The following CFAP210 variants were observed in gnomAD, a reference collection of about 807,000 sequenced individuals.
The protein encoded by CFAP210 is cilia and flagella associated protein 210.
chr2:169,648,446 TTTATG>T, the CFAP210 span, among the ~76,000 whole-genome samples: 68,119 of 151,328 alleles, frequency 0.45, 16,087 homozygotes, highest in African/African-American at 0.58. Flanking sequence ...AATGGTACTT[TTTATG>T]TTATGTATAT....
chr2:169,672,011 T>G, the CFAP210 span, among the ~76,000 whole-genome samples: 1 of 152,238 alleles, frequency 6.6e-6, no homozygotes, highest in East Asian at 1.9e-4. Context: ...CAACTCAGGT[T>G]AATACCAGTG....
chr2:169,663,567 G>T, the CFAP210 span, among the ~76,000 whole-genome samples: 259 of 152,080 alleles, frequency 1.7e-3, no homozygotes, highest in African/African-American at 5.9e-3. Flanking sequence ...CTCAGGTTCA[G>T]GGAAGGGAAA....
At chr2:169,649,090 C>A in the CFAP210 span, 7 of 1,108,342 alleles carry the variant, frequency 6.3e-6, no homozygotes, top group Non-Finnish European at 8.8e-6. Flanking sequence ...TTTTTTCTTA[C>A]CTGATGAAAC....
the CFAP210 span, among the ~76,000 whole-genome samples, chr2:169,663,966 A>G: frequency 6.6e-6 from 1 of 151,222 alleles, no homozygotes; most frequent in Non-Finnish European, 1.5e-5. Flanking sequence ...AGGCGGGCGG[A>G]TCACCTGAGG....
chr2:169,686,219 T>G, the CFAP210 span, among the ~76,000 whole-genome samples: 6 of 152,254 alleles, frequency 3.9e-5, no homozygotes, highest in Non-Finnish European at 5.9e-5. Context: ...CTTAATATCA[T>G]GAAGCGTGAG....
chr2:169,682,823 A>C, the CFAP210 span, among the ~76,000 whole-genome samples: 3 of 152,190 alleles, frequency 2.0e-5, no homozygotes, highest in Non-Finnish European at 4.4e-5. Flanking sequence ...TAACTATATG[A>C]ATCTAGATAA....
chr2:169,686,688 C>T, the CFAP210 span, among the ~76,000 whole-genome samples: 1 of 152,262 alleles, frequency 6.6e-6, no homozygotes, highest in South Asian at 2.1e-4. Context: ...CACAGCAAGA[C>T]CCCATTTCTA....
the CFAP210 span, among the ~76,000 whole-genome samples, chr2:169,677,113 G>A: frequency 6.6e-6 from 1 of 152,208 alleles, no homozygotes; most frequent in African/African-American, 2.4e-5. Context: ...CAGTTCCAGA[G>A]AGAGGAAGAG....
chr2:169,681,054 G>A, the CFAP210 span: 1 of 1,613,896 alleles, frequency 6.2e-7, no homozygotes, highest in Non-Finnish European at 8.5e-7. Flanking sequence ...GATCGCAAAT[G>A]CATTTCTTTC....
At chr2:169,649,319 G>A in the CFAP210 span, 4 of 1,610,836 alleles carry the variant, frequency 2.5e-6, no homozygotes, top group Admixed American at 1.7e-5. Context: ...ATTTTTCTTT[G>A]TCTTTCTTCT....
chr2:169,662,208 T>C, the CFAP210 span: 4 of 1,458,914 alleles, frequency 2.7e-6, no homozygotes, highest in South Asian at 2.5e-5. Flanking sequence ...TGTACAAATA[T>C]ATTATGTATC....
the CFAP210 span, among the ~76,000 whole-genome samples, chr2:169,648,511 C>G: frequency 1.3e-5 from 2 of 152,068 alleles, no homozygotes; most frequent in Non-Finnish European, 2.9e-5. Flanking sequence ...AAGAAAACAA[C>G]CCAATTAAAA....
At chr2:169,662,343 A>G in the CFAP210 span, 1 of 1,604,350 alleles carries the variant, frequency 6.2e-7, no homozygotes, top group African/African-American at 1.3e-5. Flanking sequence ...TTCTCATTTC[A>G]ATTTCATATA....
the CFAP210 span, chr2:169,649,199 C>T: frequency 2.4e-5 from 38 of 1,609,860 alleles, 1 homozygote; most frequent in Middle Eastern, 2.3e-3. Flanking sequence ...TGAATATGGG[C>T]ATCTTGAACC....
At chr2:169,674,161 C>G in the CFAP210 span, among the ~76,000 whole-genome samples, 1 of 152,118 alleles carries the variant, frequency 6.6e-6, no homozygotes, top group South Asian at 2.1e-4. Context: ...CTATCAATAC[C>G]ATGTGAAAAG....
chr2:169,687,418 G>T, the CFAP210 span, among the ~76,000 whole-genome samples: 1 of 152,206 alleles, frequency 6.6e-6, no homozygotes, highest in African/African-American at 2.4e-5. Context: ...AGATACGATA[G>T]GGGTACAGGT....
chr2:169,662,234 GC>G, the CFAP210 span: 2 of 1,571,350 alleles, frequency 1.3e-6, no homozygotes, highest in Non-Finnish European at 1.7e-6. Context: ...TAAAAGTTGG[GC>G]ATTTGACTTT....
the CFAP210 span, among the ~76,000 whole-genome samples, chr2:169,684,741 T>C: frequency 1.6e-3 from 241 of 152,102 alleles, no homozygotes; most frequent in African/African-American, 5.5e-3. Flanking sequence ...GCAACCTCCA[T>C]CTCCCGGGTT....
the CFAP210 span, chr2:169,681,334 T>C: frequency 3.5e-6 from 3 of 865,916 alleles, no homozygotes; most frequent in Non-Finnish European, 3.8e-6. Flanking sequence ...GGAAATTATT[T>C]CAAATACTTA....
Sources: allele counts gnomAD v4.1 joint callset (sites outside exome capture counted in the v4.1 genomes callset), GRCh38; gene constraint gnomAD v4.1.1; transcripts MANE v1.5; gene names NCBI Gene and HGNC (gene_info 2026-07-23, HGNC 2026-07-21).